Variants in IFT140 observed in about 807,000 individuals in gnomAD.
IFT140 encodes intraflagellar transport protein 140 homolog.
IFT140 carries 133 observed loss-of-function variants against 164.6 expected under a neutral mutation model. The observed-to-expected ratio is 0.81, with a 90% CI of 0.70 to 0.93. The LOEUF is 0.93. Ranked by LOEUF, IFT140 falls within the 40% of genes least tolerant of loss-of-function variation. The pLI is 0.00. For synonymous variants in IFT140, 860 were observed against 817.3 expected, an observed-to-expected ratio of 1.05 and a Z score of -0.89; for missense variants, 2,045 against 1,972.3, an observed-to-expected ratio of 1.04 and a Z score of -0.70.
chr16:1,566,340 G>C (rs747405737), intron 15 of IFT140, 49 bp from the exon 16 acceptor site: 2 of 1,602,666 alleles, frequency 1.2e-6, no homozygotes, highest in South Asian at 2.2e-5. Context: ...CCAGACCAGC[G>C]GGTTGGTGGG....
In IFT140 at chr16:1,563,996, C is replaced by T; in HGVS notation, c.2067+1G>A. ...ACTCAAATACAACAGGCAGAGCGTACCGCAGGGCCAGCGCGCCCATCTTGG... is the reference window on the plus strand; with the variant it reads ...ACTCAAATACAACAGGCAGAGCGTATCGCAGGGCCAGCGCGCCCATCTTGG... On this transcript the variant is annotated splice_donor_variant, in intron 17 of 30. Transcript: ENST00000426508. LOFTEE classifies it high-confidence loss of function. 1 of 1,573,210 alleles carries T rather than the reference C, an allele frequency of 6.4e-7. No individual in the cohort carries two copies.
chr16:1,573,538 C>T (rs1196828197), intron 13 of IFT140, among the ~76,000 whole-genome samples: 2 of 152,166 alleles, frequency 1.3e-5, no homozygotes, highest in African/African-American at 2.4e-5. Context: ...CTCGAACTTG[C>T]ATCCTGCCCT....
Position 1,553,198 on chromosome 16 carries a change from GTCTCTGTCTCTGTCTC to G in IFT140, c.2399+4721_2399+4736del. On this transcript the variant is annotated intron_variant, in intron 19 of 30. Transcript: ENST00000426508. This position sits in a 1 kb window ranked among gnomAD's most constrained non-coding sequence, Gnocchi z 4.4. ...TTGCTCTCTGTCTCTCCTTCCCTGT[GTCTCTGTCTCTGTCTC>G]TCTCTGTCTCCATCTGTCTCTGTGT... 1.0e-6 allele frequency: 1 copy of G among 980,784 alleles called. No homozygotes were observed. Among genetic ancestry groups the G allele is most frequent in the Non-Finnish European group, 1.2e-6 (1 of 825,864 alleles). The allele number at this position is 980,784 out of a possible 1,614,324, so 60.8% of individuals were successfully genotyped here.
intron 19 of IFT140, chr16:1,541,449 G>A (rs187784543): frequency 1.5e-5 from 15 of 985,440 alleles, no homozygotes; most frequent in African/African-American, 1.7e-5. Flanking sequence ...AGCTGAGCAC[G>A]CAGGACAGCA....
intron 13 of IFT140, among the ~76,000 whole-genome samples, chr16:1,572,477 T>G (rs979042673): frequency 2.6e-4 from 40 of 152,156 alleles, no homozygotes; most frequent in Non-Finnish European, 2.6e-4. Flanking sequence ...AAACCCCGTC[T>G]CTACTAAAAA....
At chr16:1,557,801 A>G in intron 19 of IFT140, 134 bp downstream of exon 19, 1 of 858,036 alleles carries the variant, frequency 1.2e-6, no homozygotes, top group Non-Finnish European at 1.9e-6. Flanking sequence ...GAGTGGGAAG[A>G]CCATGAAATA....
intron 19 of IFT140, among the ~76,000 whole-genome samples, chr16:1,527,915 C>T (rs139251843): frequency 1.6e-3 from 245 of 152,338 alleles, no homozygotes; most frequent in African/African-American, 5.7e-3. Context: ...CCCCTGCTGG[C>T]GCTGATCCAG....
At chr16:1,545,741 A>G (rs2032113964) in intron 19 of IFT140, among the ~76,000 whole-genome samples, 1 of 152,258 alleles carries the variant, frequency 6.6e-6, no homozygotes. Context: ...GGAAAGCCAG[A>G]GTGCAGCACA....
At chr16:1,520,835 G>T in intron 26 of IFT140, 27 bp from the exon 27 acceptor site, 1 of 1,587,130 alleles carries the variant, frequency 6.3e-7, no homozygotes, top group Non-Finnish European at 8.5e-7. Flanking sequence ...ATGGGACGGG[G>T]CTGCCGAGGG....
chr16:1,520,885 C>G (rs2040507118), intron 26 of IFT140, 77 bp from the exon 27 acceptor site: 44 of 1,353,020 alleles, frequency 3.3e-5, no homozygotes, highest in Non-Finnish European at 4.5e-5. Context: ...GCCACCGCTT[C>G]AGAGGAAACC....
At chr16:1,604,244 G>A (rs898142305) in intron 3 of IFT140, among the ~76,000 whole-genome samples, 9 of 149,934 alleles carry the variant, frequency 6.0e-5, no homozygotes, top group African/African-American at 2.2e-4. Flanking sequence ...CAGGGGAGCC[G>A]CTGACCAGCG....
rs552516748 is a variant in IFT140, at chr16:1,551,471, T to C, written c.2399+6464A>G. Among the ~76,000 whole-genome samples the C allele has an allele frequency of 3.0e-4, 46 of 152,118 alleles. No homozygotes were observed. Among genetic ancestry groups the C allele is most frequent in the Non-Finnish European group, 4.9e-4 (33 of 67,972 alleles). On this transcript the variant is annotated intron_variant, in intron 19 of 30. Transcript: ENST00000426508. This position sits in a 1 kb window ranked among gnomAD's most constrained non-coding sequence, Gnocchi z 4.0. ...AGGGTGGCAGAAGGGCGGCCGCAGG[T>C]AGCAGGGGAGACCCTAAGGCGATGG...
chr16:1,601,241 G>C (rs2035782132), intron 4 of IFT140, among the ~76,000 whole-genome samples: 2 of 150,554 alleles, frequency 1.3e-5, no homozygotes, highest in Non-Finnish European at 2.9e-5. Context: ...TCTAGCCTGG[G>C]CGACAGAGCA....
At chr16:1,575,032 C>T (rs1051679900) in intron 13 of IFT140, among the ~76,000 whole-genome samples, 1 of 152,166 alleles carries the variant, frequency 6.6e-6, no homozygotes, top group African/African-American at 2.4e-5. Context: ...GCCAGAGCCA[C>T]CTTACTAGTT....
chr16:1,525,401 G>T (rs1466884313), intron 21 of IFT140, 75 bp from the exon 22 acceptor site: 2 of 1,146,518 alleles, frequency 1.7e-6, no homozygotes, highest in Admixed American at 3.4e-5. Flanking sequence ...CTGAGGGGCA[G>T]CGTCGGTGAA....
At chr16:1,568,958 AG>A (rs1371528405) in intron 14 of IFT140, among the ~76,000 whole-genome samples, 2 of 150,334 alleles carry the variant, frequency 1.3e-5, no homozygotes, top group African/African-American at 4.9e-5. Context: ...AGCTGTTTCT[AG>A]TTTGTTGCTG....
intron 3 of IFT140, among the ~76,000 whole-genome samples, chr16:1,605,186 C>A (rs1204294297): frequency 2.0e-5 from 3 of 152,076 alleles, no homozygotes; most frequent in Non-Finnish European, 2.9e-5. Context: ...GAAGAGCTGG[C>A]AAAGCCATGG....
chr16:1,568,116 G>A, intron 15 of IFT140, 101 bp downstream of exon 15: 1 of 786,790 alleles, frequency 1.3e-6, no homozygotes, highest in Non-Finnish European at 2.1e-6. Flanking sequence ...AGGACAGGAA[G>A]ACTTGCACAG....
chr16:1,594,878 C>T (rs770398866), intron 4 of IFT140, among the ~76,000 whole-genome samples: 9 of 152,248 alleles, frequency 5.9e-5, no homozygotes, highest in Admixed American at 1.3e-4. Flanking sequence ...GCCCACAGTA[C>T]GCTCTTCTTC....
Sources: gnomAD v4.1 joint callset for allele counts (sites outside exome capture counted in the v4.1 genomes callset) on GRCh38, gnomAD v4.1.1 for gene constraint, Gnocchi (gnomAD v3.1) non-coding constraint, MANE v1.5 for transcripts, NCBI Gene and HGNC (gene_info 2026-07-23, HGNC 2026-07-21) for gene names.